ELOVL4: variants seen among roughly 807,000 people sequenced by gnomAD.
ELOVL4 encodes very long chain fatty acid elongase 4.
In ELOVL4, 18 loss-of-function variants were observed where a neutral mutation model predicts 42.1. That is an observed-to-expected ratio of 0.43 (90% CI 0.30 to 0.63). The LOEUF (loss-of-function observed/expected upper bound fraction) is 0.63, where lower values mean the gene tolerates loss of function less well. ELOVL4 is among the 30% of genes least tolerant of loss of function. The pLI is 0.15. For missense variants in ELOVL4, 299 were observed against 376.2 expected (o/e 0.79, Z 1.70); for synonymous variants, 117 against 127.0 (o/e 0.92, Z 0.53).
intron 1 of ELOVL4, among the ~76,000 whole-genome samples, chr6:79,943,210 A>G (rs771013210): frequency 6.6e-6 from 1 of 152,176 alleles, no homozygotes; most frequent in African/African-American, 2.4e-5. Flanking sequence ...CTTAAAATAC[A>G]TGCTCCTCTG....
intron 1 of ELOVL4, among the ~76,000 whole-genome samples, chr6:79,929,866 G>T (rs1459273883): frequency 6.6e-6 from 1 of 152,034 alleles, no homozygotes; most frequent in African/African-American, 2.4e-5. Flanking sequence ...CTGAAAAGAG[G>T]GGCTGGGTGT....
intron 1 of ELOVL4, among the ~76,000 whole-genome samples, chr6:79,935,997 T>C (rs1207932293): frequency 2.6e-5 from 4 of 152,174 alleles, no homozygotes; most frequent in African/African-American, 9.6e-5. Context: ...ACAGTGACTT[T>C]ACACATTAAA....
intron 1 of ELOVL4, among the ~76,000 whole-genome samples, chr6:79,943,442 A>G (rs7754628): frequency 0.16 from 23,712 of 152,132 alleles, 2,107 homozygotes; most frequent in South Asian, 0.36. Flanking sequence ...CAGTACTCAC[A>G]TCAACTCCTC....
intron 1 of ELOVL4, among the ~76,000 whole-genome samples, chr6:79,940,699 T>G (rs1774631673): frequency 6.6e-6 from 1 of 152,072 alleles, no homozygotes; most frequent in Admixed American, 6.5e-5. Context: ...ACAGCACAGG[T>G]AGAAATAAGA....
chr6:79,925,684 A>G (rs1030577901), intron 2 of ELOVL4, among the ~76,000 whole-genome samples: 17 of 152,204 alleles, frequency 1.1e-4, no homozygotes, highest in Admixed American at 2.6e-4. Flanking sequence ...AACAACAGCT[A>G]TATGGCAGTT....
Position 79,915,533 on chromosome 6 carries a change from T to G in ELOVL4, c.*1075A>C, listed in dbSNP as rs188242906. 1 of 152,512 alleles carries G rather than the reference T, an allele frequency of 6.6e-6. No individual in the cohort carries two copies. Among genetic ancestry groups the G allele is most frequent in the Admixed American group, 6.5e-5 (1 of 15,270 alleles). The allele number at this position is 152,512 out of a possible 1,614,324, so 9.4% of individuals were successfully genotyped here. A position where few individuals can be genotyped will look rare whatever the true frequency, so the allele number is the denominator to read the frequency against. ...AATTAAACACATTGAAAGAGAAGGA[T>G]AGTTTCACAGAAATGTTTGGTGTAT... On this transcript the variant is annotated 3_prime_UTR_variant, in exon 6 of 6. Transcript: ENST00000369816.
chr6:79,936,133 T>A (rs1220092180), intron 1 of ELOVL4, among the ~76,000 whole-genome samples: 3 of 152,176 alleles, frequency 2.0e-5, no homozygotes, highest in African/African-American at 7.2e-5. Flanking sequence ...CACTTCCTCA[T>A]CTTCTAAAAC....
chr6:79,935,918 C>A (rs1471872642), intron 1 of ELOVL4, among the ~76,000 whole-genome samples: 1 of 152,120 alleles, frequency 6.6e-6, no homozygotes, highest in Non-Finnish European at 1.5e-5. Flanking sequence ...TGGAACCTTA[C>A]AAGAAATGCA....
At chr6:79,916,925 A>G in intron 5 of ELOVL4, 42 bp from the exon 6 acceptor site, 1 of 1,612,588 alleles carries the variant, frequency 6.2e-7, no homozygotes, top group Non-Finnish European at 8.5e-7. Flanking sequence ...TAATCTGAAT[A>G]GTAAACAACT....
intron 1 of ELOVL4, among the ~76,000 whole-genome samples, chr6:79,946,516 C>T (rs572506841): frequency 1.3e-5 from 2 of 152,198 alleles, no homozygotes; most frequent in East Asian, 3.9e-4. Context: ...TCCCCCTCCC[C>T]CTGACTGCAC....
chr6:79,922,183 A>G (rs953922088), intron 3 of ELOVL4, among the ~76,000 whole-genome samples: 2 of 152,186 alleles, frequency 1.3e-5, no homozygotes, highest in South Asian at 4.1e-4. Flanking sequence ...CCTACATTAT[A>G]CTACCTCAGA....
chr6:79,939,503 C>CTTTATTTATTTATTTA (rs70977795), intron 1 of ELOVL4, among the ~76,000 whole-genome samples: 7 of 145,452 alleles, frequency 4.8e-5, no homozygotes, highest in South Asian at 2.2e-4. Context: ...AATTTGACTA[C>CTTTATTTATTTATTTA]TTTATTTATT....
intron 1 of ELOVL4, among the ~76,000 whole-genome samples, chr6:79,928,743 T>TTTTTG (rs1561986585): frequency 2.1e-5 from 3 of 143,558 alleles, no homozygotes; most frequent in Non-Finnish European, 4.5e-5. Context: ...TTTTTTTTTT[T>TTTTTG]TTTTTTTTTT....
At chr6:79,921,978 G>T (rs1034715298) in intron 3 of ELOVL4, among the ~76,000 whole-genome samples, 182 bp from the exon 4 acceptor site, 3 of 152,140 alleles carry the variant, frequency 2.0e-5, no homozygotes, top group Non-Finnish European at 2.9e-5. Flanking sequence ...AAATAGAAAA[G>T]AAAGAGTCCA....
chr6:79,922,189 T>A (rs556090190), intron 3 of ELOVL4, among the ~76,000 whole-genome samples: 175 of 152,274 alleles, frequency 1.1e-3, no homozygotes, highest in Admixed American at 3.5e-3. Context: ...TTATACTACC[T>A]CAGAAAAACT....
chr6:79,947,004 G>A (rs1280111275), intron 1 of ELOVL4, among the ~76,000 whole-genome samples, 176 bp downstream of exon 1: 4 of 152,154 alleles, frequency 2.6e-5, no homozygotes, highest in Non-Finnish European at 5.9e-5. Context: ...CTTAACATTC[G>A]GATCAGATTA....
Position 79,915,255 on chromosome 6 carries a change from T to C in ELOVL4, c.*1353A>G, listed in dbSNP as rs1417828556. ...GTAAAACATGATACAAATTCTTTCC[T>C]ACTTTATTTCCAGTTGTTCACTTAT... is the stretch of plus-strand genomic sequence containing the variant. On this transcript the variant is annotated 3_prime_UTR_variant, in exon 6 of 6. Transcript: ENST00000369816. The C allele has an allele frequency of 1.3e-5, 2 of 152,544 alleles. No homozygotes were observed. Among genetic ancestry groups the C allele is most frequent in the Middle Eastern group, 3.2e-3 (1 of 316 alleles). The allele number at this position is 152,544 out of a possible 1,614,324, so 9.4% of individuals were successfully genotyped here. A position where few individuals can be genotyped will look rare whatever the true frequency, so the allele number is the denominator to read the frequency against.
intron 4 of ELOVL4, 149 bp downstream of exon 4, chr6:79,921,476 A>G: frequency 1.6e-6 from 1 of 609,082 alleles, no homozygotes; most frequent in Non-Finnish European, 2.7e-6. Context: ...AAAAAAAAAA[A>G]AAAAAAAAAA....
intron 1 of ELOVL4, among the ~76,000 whole-genome samples, chr6:79,942,666 A>G (rs1390790499): frequency 6.6e-6 from 1 of 152,200 alleles, no homozygotes; most frequent in Non-Finnish European, 1.5e-5. Flanking sequence ...TTGTCTTCCT[A>G]AGCCAAAGAA....
Sources: allele counts gnomAD v4.1 joint callset (sites outside exome capture counted in the v4.1 genomes callset), GRCh38; gene constraint gnomAD v4.1.1; transcripts MANE v1.5; gene names NCBI Gene and HGNC (gene_info 2026-07-23, HGNC 2026-07-21).